NRG3: variants seen among roughly 807,000 people sequenced by gnomAD.
NRG3 encodes pro-neuregulin-3, membrane-bound isoform.
Under a neutral mutation model 66.9 loss-of-function variants are expected in NRG3, and 31 were observed. That is an observed-to-expected ratio of 0.46 (90% CI 0.35 to 0.63). NRG3 has a LOEUF of 0.63. Ranked by LOEUF, NRG3 falls within the 20% of genes least tolerant of loss-of-function variation. NRG3 has a pLI of 0.00. For synonymous variants in NRG3, 393 were observed against 359.4 expected (o/e 1.09, Z -1.06); for missense variants, 910 against 878.9 (o/e 1.04, Z -0.45).
In NRG3 at chr10:82,213,780, G is replaced by T. The variant is rs150278137; in HGVS notation, c.824-144959G>T. Among the ~76,000 whole-genome samples, 28 of 152,252 alleles carry T rather than the reference G, an allele frequency of 1.8e-4. No homozygotes were observed. The South Asian group carries it at 5.4e-3, about 29-fold the overall frequency. On this transcript the variant is annotated intron_variant, in intron 1 of 8. Transcript: ENST00000372141. ...TACATTACCTTACTATGTCACATAT[G>T]CTATTTCCAGAAACAGAAGACACAA...
chr10:82,196,092 T>C (rs1261625208), intron 1 of NRG3, among the ~76,000 whole-genome samples: 1 of 152,196 alleles, frequency 6.6e-6, no homozygotes, highest in Non-Finnish European at 1.5e-5. Flanking sequence ...TCCAGTGTGA[T>C]GTACCTCTGT....
intron 1 of NRG3, among the ~76,000 whole-genome samples, chr10:82,207,576 G>C (rs994712542): frequency 5.9e-5 from 9 of 152,120 alleles, no homozygotes; most frequent in African/African-American, 2.2e-4. Context: ...GCCGTGTGTA[G>C]CGGTCCGTTC....
chr10:82,779,880 C>A (rs1025095026), intron 3 of NRG3, among the ~76,000 whole-genome samples: 6 of 149,990 alleles, frequency 4.0e-5, no homozygotes, highest in Non-Finnish European at 4.4e-5. Flanking sequence ...CCTAGCCCCC[C>A]ACCCCCCGAC....
chr10:82,914,308 T>C (rs1845624459), intron 4 of NRG3, among the ~76,000 whole-genome samples: 1 of 152,172 alleles, frequency 6.6e-6, no homozygotes, highest in Non-Finnish European at 1.5e-5. Context: ...TCCCTTTGTC[T>C]CTTCAGATTT....
chr10:82,694,524 G>A (rs2055216191), intron 2 of NRG3, among the ~76,000 whole-genome samples: 1 of 152,124 alleles, frequency 6.6e-6, no homozygotes. Flanking sequence ...GGAGGTCAAG[G>A]CCAGCAGATT....
intron 1 of NRG3, among the ~76,000 whole-genome samples, chr10:82,329,809 A>T (rs956783020): frequency 1.6e-4 from 24 of 152,188 alleles, no homozygotes; most frequent in African/African-American, 5.8e-4. Flanking sequence ...GACTCCTGGA[A>T]ACCAAAATGG....
intron 4 of NRG3, among the ~76,000 whole-genome samples, chr10:82,871,518 A>G (rs567289494): frequency 4.2e-4 from 64 of 152,280 alleles, no homozygotes; most frequent in African/African-American, 1.5e-3. Context: ...AAGAGCTGAC[A>G]TCTTGACAAT....
chr10:82,510,721 C>T (rs191258403), intron 2 of NRG3, among the ~76,000 whole-genome samples: 2 of 152,306 alleles, frequency 1.3e-5, no homozygotes, highest in South Asian at 2.1e-4. Flanking sequence ...ATCTCCGTAT[C>T]CTTGATCCTT....
At chr10:82,726,260 C>G (rs1016764465) in intron 2 of NRG3, among the ~76,000 whole-genome samples, 2 of 152,144 alleles carry the variant, frequency 1.3e-5, no homozygotes, top group South Asian at 4.1e-4. Flanking sequence ...TACTAGGGCA[C>G]AGTTTTATGT....
intron 1 of NRG3, among the ~76,000 whole-genome samples, chr10:82,115,075 T>A (rs1310299712): frequency 6.6e-6 from 1 of 152,096 alleles, no homozygotes; most frequent in Non-Finnish European, 1.5e-5. Context: ...CAAGACCTGA[T>A]CTTCTGAACA....
At chr10:82,723,717 C>T (rs1239153977) in intron 2 of NRG3, among the ~76,000 whole-genome samples, 2 of 152,086 alleles carry the variant, frequency 1.3e-5, no homozygotes, top group East Asian at 1.9e-4. Flanking sequence ...TGGTGGCTCA[C>T]GCCTGTAATC....
chr10:82,666,383 A>G (rs1298274806), intron 2 of NRG3, among the ~76,000 whole-genome samples: 2 of 152,214 alleles, frequency 1.3e-5, no homozygotes, highest in Non-Finnish European at 2.9e-5. Context: ...CTTGTCCACA[A>G]TTAAAATGTC....
At chr10:82,000,901 GT>G (rs1490241027) in intron 1 of NRG3, among the ~76,000 whole-genome samples, 1 of 152,022 alleles carries the variant, frequency 6.6e-6, no homozygotes, top group Non-Finnish European at 1.5e-5. Flanking sequence ...TTCTGGGTTT[GT>G]TTTTTCTCTT....
intron 2 of NRG3, among the ~76,000 whole-genome samples, chr10:82,674,194 C>T (rs1179093157): frequency 2.0e-5 from 3 of 152,052 alleles, no homozygotes; most frequent in African/African-American, 7.2e-5. Flanking sequence ...CAGATATGCA[C>T]ACCAGGAAAA....
chr10:82,834,890 A>G (rs1044583485), intron 3 of NRG3, among the ~76,000 whole-genome samples: 1 of 152,204 alleles, frequency 6.6e-6, no homozygotes, highest in Non-Finnish European at 1.5e-5. Context: ...ATTATGAGGT[A>G]AGATTCTCCT....
At chr10:82,098,918 C>T (rs1248723147) in intron 1 of NRG3, among the ~76,000 whole-genome samples, 1 of 152,108 alleles carries the variant, frequency 6.6e-6, no homozygotes, top group Non-Finnish European at 1.5e-5. Flanking sequence ...TGCCCGCCAC[C>T]ATGCCTGGCT....
At chr10:81,919,293 C>T (rs558262137) in intron 1 of NRG3, among the ~76,000 whole-genome samples, 1 of 152,236 alleles carries the variant, frequency 6.6e-6, no homozygotes, top group African/African-American at 2.4e-5. Flanking sequence ...AGTGTGGCAG[C>T]GCTGAAAATC....
chr10:82,008,082 A>G (rs1017155041), intron 1 of NRG3, among the ~76,000 whole-genome samples: 5 of 152,198 alleles, frequency 3.3e-5, no homozygotes, highest in East Asian at 3.9e-4. Flanking sequence ...ATGATGAATA[A>G]AAGTAGCAAG....
intron 2 of NRG3, among the ~76,000 whole-genome samples, chr10:82,581,873 A>C (rs1452102431): frequency 6.6e-6 from 1 of 151,920 alleles, no homozygotes; most frequent in Admixed American, 6.6e-5. Context: ...TAGATCTATG[A>C]TCTATTTTGA....
Sources: allele counts gnomAD v4.1 joint callset (sites outside exome capture counted in the v4.1 genomes callset), GRCh38; gene constraint gnomAD v4.1.1; transcripts MANE v1.5; gene names NCBI Gene and HGNC (gene_info 2026-07-23, HGNC 2026-07-21).